The following PCBD2 variants were observed in gnomAD, a reference collection of about 807,000 sequenced individuals.
The protein encoded by PCBD2 is pterin-4 alpha-carbinolamine dehydratase 2.
Under a neutral mutation model 16.4 loss-of-function variants are expected in PCBD2, and 12 were observed. The ratio of observed to expected loss-of-function variants is 0.73; its 90% CI spans 0.47 to 1.19. The LOEUF (loss-of-function observed/expected upper bound fraction) is 1.19. Ranked by LOEUF, PCBD2 falls within the 50% of genes most tolerant of loss-of-function variation. The pLI, the probability that PCBD2 is intolerant of heterozygous loss-of-function variation, is 0.00. For missense variants in PCBD2, 138 were observed against 156.8 expected (o/e 0.88, Z 0.64); for synonymous variants, 58 against 61.8 (o/e 0.94, Z 0.29).
chr5:134,948,670 A>G (rs757939641), intron 2 of PCBD2, among the ~76,000 whole-genome samples: 1 of 151,052 alleles, frequency 6.6e-6, no homozygotes, highest in Non-Finnish European at 1.5e-5. Flanking sequence ...TATTTTTTCA[A>G]TTGGCTGTGT....
intron 2 of PCBD2, among the ~76,000 whole-genome samples, chr5:134,920,613 G>A (rs1750891248): frequency 6.6e-6 from 1 of 151,498 alleles, no homozygotes; most frequent in African/African-American, 2.4e-5. Flanking sequence ...TGCTGCTAAT[G>A]ACTCTGTTTG....
In PCBD2 at chr5:134,961,927, A is replaced by G. The variant is rs1313265084; in HGVS notation, c.*1246A>G. Among the ~76,000 whole-genome samples the G allele has an allele frequency of 1.3e-5, 2 of 151,772 alleles. No homozygotes were observed. The highest frequency in any genetic ancestry group is 4.8e-5 in the African/African-American group (2 of 41,360). On this transcript the variant is annotated 3_prime_UTR_variant, in exon 4 of 4. Coordinates refer to ENST00000254908, the MANE Select transcript of PCBD2 (RefSeq NM_032151.5). ...TAGGCAAGTGCCACCACGCCTGACT[A>G]ATTTTTAAATTTTTTGTAGAGATGG... is the stretch of plus-strand genomic sequence containing the variant.
At chr5:134,907,268 G>A (rs773767895) in intron 1 of PCBD2, among the ~76,000 whole-genome samples, 2 of 151,906 alleles carry the variant, frequency 1.3e-5, no homozygotes, top group African/African-American at 2.4e-5. Context: ...TTTTTGAGAC[G>A]GAGTCTCGCT....
intron 1 of PCBD2, among the ~76,000 whole-genome samples, chr5:134,908,243 T>A (rs1750721929): frequency 6.6e-6 from 1 of 151,424 alleles, no homozygotes; most frequent in African/African-American, 2.4e-5. Flanking sequence ...TTTTTTTTTT[T>A]TTTTTGAGAC....
chr5:134,954,996 C>G (rs1345727232), intron 2 of PCBD2, among the ~76,000 whole-genome samples: 1 of 151,962 alleles, frequency 6.6e-6, no homozygotes, highest in Non-Finnish European at 1.5e-5. Context: ...CCTGCCTCGG[C>G]TTCCCAAAGT....
At chr5:134,950,195 A>G (rs1349647380) in intron 2 of PCBD2, among the ~76,000 whole-genome samples, 1 of 152,238 alleles carries the variant, frequency 6.6e-6, no homozygotes, top group Non-Finnish European at 1.5e-5. Context: ...TTGAATTAGT[A>G]AAGGAAGTAT....
chr5:134,948,140 G>C (rs528609998), intron 2 of PCBD2, among the ~76,000 whole-genome samples: 96 of 152,260 alleles, frequency 6.3e-4, no homozygotes, highest in African/African-American at 2.2e-3. Context: ...GTAGAAAACT[G>C]GTGAAATGTG....
intron 2 of PCBD2, among the ~76,000 whole-genome samples, chr5:134,913,555 A>G (rs1276907256): frequency 6.6e-6 from 1 of 152,020 alleles, no homozygotes; most frequent in Non-Finnish European, 1.5e-5. Flanking sequence ...CGTGGTGAGG[A>G]GTTTGGATTT....
chr5:134,959,188 C>T, intron 3 of PCBD2, 68 bp downstream of exon 3: 1 of 1,158,932 alleles, frequency 8.6e-7, no homozygotes, highest in African/African-American at 1.5e-5. Flanking sequence ...TCTTCCTTGT[C>T]ATCTTGTGCA....
chr5:134,907,648 A>G (rs1750712889), intron 1 of PCBD2, among the ~76,000 whole-genome samples: 1 of 151,084 alleles, frequency 6.6e-6, no homozygotes, highest in Non-Finnish European at 1.5e-5. Flanking sequence ...ATTGAGTCGG[A>G]GTTTCACTCT....
intron 2 of PCBD2, among the ~76,000 whole-genome samples, chr5:134,947,692 A>G (rs1751313641): frequency 6.6e-6 from 1 of 151,682 alleles, no homozygotes; most frequent in Non-Finnish European, 1.5e-5. Flanking sequence ...CGGCCCCCTG[A>G]CCTCAATTTT....
intron 2 of PCBD2, among the ~76,000 whole-genome samples, chr5:134,957,755 A>G (rs530672141): frequency 5.1e-4 from 77 of 152,210 alleles, no homozygotes; most frequent in Non-Finnish European, 9.8e-4. Context: ...TCAGATTATG[A>G]GATGAGAAGG....
chr5:134,906,548 AAC>A (rs2149529013), intron 1 of PCBD2, among the ~76,000 whole-genome samples: 1 of 152,242 alleles, frequency 6.6e-6, no homozygotes, highest in South Asian at 2.1e-4. Flanking sequence ...CGAAGGGGAG[AAC>A]ACAAGTTGAG....
intron 2 of PCBD2, chr5:134,926,958 A>G (rs1751010264): frequency 5.0e-6 from 2 of 398,416 alleles, no homozygotes; most frequent in African/African-American, 4.1e-5. Context: ...GCTTGCTAGA[A>G]GTCATCAAAA....
At chr5:134,960,488 A>G (rs902927326) in intron 3 of PCBD2, 98 bp from the exon 4 acceptor site, 1 of 803,656 alleles carries the variant, frequency 1.2e-6, no homozygotes, top group East Asian at 2.7e-5. Flanking sequence ...TAATTCTCAA[A>G]TATGAATGTT....
At chr5:134,925,139 T>C (rs574855387) in intron 2 of PCBD2, 5 of 397,930 alleles carry the variant, frequency 1.3e-5, no homozygotes, top group African/African-American at 8.2e-5. Flanking sequence ...TTAATGTTAG[T>C]GAGGGCTGGG....
chr5:134,942,827 G>A (rs1246106104), intron 2 of PCBD2, among the ~76,000 whole-genome samples: 1 of 152,170 alleles, frequency 6.6e-6, no homozygotes, highest in African/African-American at 2.4e-5. Context: ...GCCTGCTTAA[G>A]GTCTGGGTTG....
intron 2 of PCBD2, among the ~76,000 whole-genome samples, chr5:134,917,519 C>G (rs1334720024): frequency 6.6e-6 from 1 of 152,130 alleles, no homozygotes; most frequent in Non-Finnish European, 1.5e-5. Context: ...CGGTGGTTCT[C>G]TGCGGAGGAG....
chr5:134,923,056 TATTC>T (rs1434697682), intron 2 of PCBD2, among the ~76,000 whole-genome samples: 1 of 152,198 alleles, frequency 6.6e-6, no homozygotes, highest in African/African-American at 2.4e-5. Flanking sequence ...ACTTTACATG[TATTC>T]ATTCATTTAA....
Sources: gnomAD v4.1 joint callset for allele counts (sites outside exome capture counted in the v4.1 genomes callset) on GRCh38, gnomAD v4.1.1 for gene constraint, MANE v1.5 for transcripts, NCBI Gene and HGNC (gene_info 2026-07-23, HGNC 2026-07-21) for gene names.